Variants in PRKAR1A observed in about 807,000 individuals in gnomAD.
PRKAR1A encodes the protein protein kinase cAMP-dependent type I regulatory subunit alpha.
A neutral mutation model predicts 52.0 loss-of-function variants in PRKAR1A; 3 were observed. The observed-to-expected ratio is 0.06, with a 90% confidence interval of 0.03 to 0.15. PRKAR1A has a LOEUF of 0.15. Ranked by LOEUF, PRKAR1A falls within the 10% of genes least tolerant of loss-of-function variation. PRKAR1A has a pLI of 1.00. For synonymous variants in PRKAR1A, 188 were observed against 168.4 expected (o/e 1.12, Z -0.90); for missense variants, 240 against 477.4 (o/e 0.50, Z 4.63).
At chr17:68,426,254 G>GGGT in the PRKAR1A span, 2 of 816,900 alleles carry the variant, frequency 2.4e-6, no homozygotes, top group East Asian at 3.5e-5. Flanking sequence ...GGGAGCGGGG[G>GGGT]CTCAAATAAA....
chr17:68,430,962 G>GTAGCTACTAGCTACCAGAGA, the PRKAR1A span, among the ~76,000 whole-genome samples: 1 of 152,138 alleles, frequency 6.6e-6, no homozygotes, highest in Non-Finnish European at 1.5e-5. Flanking sequence ...ATGGGCTAGG[G>GTAGCTACTAGCTACCAGAGA]GGTCTTTGGA....
upstream of PRKAR1A, among the ~76,000 whole-genome samples, chr17:68,507,775 A>G (rs958583462): frequency 1.3e-5 from 2 of 152,230 alleles, no homozygotes; most frequent in Admixed American, 6.5e-5. Flanking sequence ...CCATGACAAA[A>G]GGTCAGCCTT....
chr17:68,545,985 C>A (rs113570941), intron 11 of PRKAR1A, among the ~76,000 whole-genome samples: 14 of 151,958 alleles, frequency 9.2e-5, no homozygotes, highest in Non-Finnish European at 1.5e-4. Context: ...CTGGCTAACA[C>A]GGTGAAACCC....
intron 6 of PRKAR1A, 27 bp downstream of exon 6, chr17:68,524,985 G>GT: frequency 6.4e-7 from 1 of 1,573,684 alleles, no homozygotes; most frequent in Non-Finnish European, 8.7e-7. Flanking sequence ...TCAAAAATAT[G>GT]TTGATCTTAA....
At chr17:68,546,826 G>T (rs2086593379) in intron 11 of PRKAR1A, among the ~76,000 whole-genome samples, 1 of 116,232 alleles carries the variant, frequency 8.6e-6, no homozygotes, top group Admixed American at 9.8e-5. Context: ...CGAGACTACG[G>T]CTCAAAAAAA....
At chr17:68,464,576 G>A in the PRKAR1A span, among the ~76,000 whole-genome samples, 1 of 152,072 alleles carries the variant, frequency 6.6e-6, no homozygotes, top group Non-Finnish European at 1.5e-5. Context: ...AGTTACTTGG[G>A]AGGCTGAGGC....
chr17:68,461,867 A>G, the PRKAR1A span, among the ~76,000 whole-genome samples: 2 of 152,056 alleles, frequency 1.3e-5, no homozygotes, highest in Admixed American at 1.3e-4. The surrounding 1 kb of genome is among the most constrained non-coding windows in gnomAD (Gnocchi z 4.6). Flanking sequence ...GGGAAAGGAG[A>G]TGATCGAACT....
the PRKAR1A span, among the ~76,000 whole-genome samples, chr17:68,432,717 C>T: frequency 2.6e-5 from 4 of 152,164 alleles, no homozygotes; most frequent in East Asian, 7.7e-4. Flanking sequence ...AACCAACTCC[C>T]CAGATACAGT....
At position 68,540,967 on chromosome 17, in the gene PRKAR1A, GAGA is replaced by G. The variant is rs774319761; in HGVS notation, c.974-10111_974-10109del. On this transcript the variant is annotated intron_variant, in intron 11 of 11. Transcript: ENST00000585981. ...GGGGATTGACCTCCCACCTGAGGGGGAGAAGAAGTCCTGGGGCTGGAAAAGCCA... is the reference window on the plus strand; with the variant it reads ...GGGGATTGACCTCCCACCTGAGGGGGAGAAGTCCTGGGGCTGGAAAAGCCA... 1.8e-5 allele frequency: 28 copies of G among 1,574,812 alleles called. No homozygotes were observed. The highest frequency in any genetic ancestry group is 2.3e-5 in the South Asian group (2 of 86,598).
the PRKAR1A span, among the ~76,000 whole-genome samples, chr17:68,486,501 CCTTCCTTCTT>C: frequency 4.6e-5 from 2 of 43,278 alleles, no homozygotes; most frequent in African/African-American, 1.7e-4. Flanking sequence ...TTCCTTCCTT[CCTTCCTTCTT>C]TCTTTCTTTC....
the PRKAR1A span, among the ~76,000 whole-genome samples, chr17:68,495,625 T>C: frequency 1.3e-5 from 2 of 152,228 alleles, no homozygotes; most frequent in South Asian, 2.1e-4. Context: ...CTTCTCTTAT[T>C]ATACTCATTT....
In PRKAR1A at chr17:68,542,713, ACT is replaced by A. The variant is rs750880244; in HGVS notation, c.974-8368_974-8367del. On this transcript the variant is annotated intron_variant, in intron 11 of 11. Transcript: ENST00000585981. ...CTCTACCTGGAGAGACAAAGAAAAC[ACT>A]CTGCAGGATTTCATTCTTGGTGACC... The A allele has an allele frequency of 1.7e-5, 28 of 1,613,180 alleles. No individual in the cohort carries two copies. Among genetic ancestry groups the A allele is most frequent in the South Asian group, 1.5e-4 (14 of 91,036 alleles).
Position 68,531,432 on chromosome 17 carries a change from AC to A in PRKAR1A, c.*984del. 1 of 1,066,118 alleles carries A rather than the reference AC, an allele frequency of 9.4e-7. No homozygotes were observed. Among genetic ancestry groups the A allele is most frequent in the East Asian group, 5.0e-5 (1 of 20,172 alleles). The allele number at this position is 1,066,118 out of a possible 1,614,324, so 66.0% of individuals were successfully genotyped here. On this transcript the variant is annotated 3_prime_UTR_variant, in exon 11 of 11. Transcript: ENST00000589228. ...AGATACAGATGGAGCAAATGTCCTA[AC>A]AGAGAAATAGAGGTGATGCTGCTAA...
rs2907372 is a variant in PRKAR1A, at chr17:68,522,291, T to C, written c.178-465T>C. On this transcript the variant is annotated intron_variant, in intron 2 of 10. Coordinates refer to ENST00000589228, the MANE Select transcript of PRKAR1A (RefSeq NM_002734.5). ...GAGTTAATGAAATAACTCAGTAATC[T>C]AGACATTCTTGGATCACTATGTTGG... 1.7e-3 allele frequency among the ~76,000 whole-genome samples: 255 copies of C among 152,356 alleles called. 1 individual carries two copies. Among genetic ancestry groups the C allele is most frequent in the African/African-American group, 5.7e-3 (237 of 41,584 alleles).
chr17:68,424,359 C>T, the PRKAR1A span: 95 of 501,582 alleles, frequency 1.9e-4, 1 homozygote, highest in African/African-American at 1.7e-3. Context: ...AGGGCCCCAC[C>T]GCAGCTTTGT....
At chr17:68,437,108 T>C in the PRKAR1A span, among the ~76,000 whole-genome samples, 8 of 152,200 alleles carry the variant, frequency 5.3e-5, no homozygotes, top group Admixed American at 6.5e-5. Flanking sequence ...AATTCCATTA[T>C]CCTCTAGGGT....
At chr17:68,458,632 C>T in the PRKAR1A span, among the ~76,000 whole-genome samples, 6 of 152,186 alleles carry the variant, frequency 3.9e-5, no homozygotes, top group East Asian at 1.2e-3. Context: ...ATTCAAAACT[C>T]ACGTAATTCG....
At chr17:68,528,542 ATTGTAG>A (rs1355059642) in intron 8 of PRKAR1A, 1 of 290,110 alleles carries the variant, frequency 3.4e-6, no homozygotes, top group Non-Finnish European at 6.5e-6. Context: ...ACTTTTGAGT[ATTGTAG>A]TTGTAGGTTT....
the PRKAR1A span, among the ~76,000 whole-genome samples, chr17:68,502,667 G>A: frequency 1.3e-5 from 2 of 150,130 alleles, no homozygotes; most frequent in African/African-American, 2.5e-5. Flanking sequence ...CAGGAGAATC[G>A]CTTGAACCTG....
Sources: gnomAD v4.1 joint callset for allele counts (sites outside exome capture counted in the v4.1 genomes callset) on GRCh38, gnomAD v4.1.1 for gene constraint, Gnocchi (gnomAD v3.1) non-coding constraint, MANE v1.5 for transcripts, NCBI Gene and HGNC (gene_info 2026-07-23, HGNC 2026-07-21) for gene names.